The following LRRC37A2 variants were observed in gnomAD, a reference collection of about 807,000 sequenced individuals.
LRRC37A2 encodes the protein leucine-rich repeat-containing protein 37A2.
Under a neutral mutation model 68.8 loss-of-function variants are expected in LRRC37A2, and 9 were observed. That is an observed-to-expected ratio of 0.13 (90% CI 0.08 to 0.23). The LOEUF is 0.23. Ranked by LOEUF, LRRC37A2 falls within the 10% of genes least tolerant of loss-of-function variation. The pLI is 1.00. For synonymous variants in LRRC37A2, 63 were observed against 367.6 expected (o/e 0.17, Z 9.48); for missense variants, 168 against 950.4 (o/e 0.18, Z 10.82).
the LRRC37A2 span, chr17:46,768,842 G>A: frequency 4.9e-5 from 79 of 1,600,164 alleles, no homozygotes; most frequent in Non-Finnish European, 6.2e-5. This position sits in a 1 kb window ranked among gnomAD's most constrained non-coding sequence, Gnocchi z 5.0. Context: ...CCGACCCCAC[G>A]AGGGGGCACA....
At chr17:46,998,017 A>C in the LRRC37A2 span, among the ~76,000 whole-genome samples, 8 of 152,056 alleles carry the variant, frequency 5.3e-5, no homozygotes, top group African/African-American at 1.9e-4. Context: ...AAGATGGAAG[A>C]GGAATCCATG....
At chr17:46,825,093 G>A in the LRRC37A2 span, among the ~76,000 whole-genome samples, 4 of 152,242 alleles carry the variant, frequency 2.6e-5, no homozygotes, top group Non-Finnish European at 5.9e-5. Context: ...TCATAACCCT[G>A]AGCCCCATCC....
At chr17:46,923,451 C>G in the LRRC37A2 span, 1 of 1,400,894 alleles carries the variant, frequency 7.1e-7, no homozygotes, top group Non-Finnish European at 9.2e-7. Context: ...CTCCTGGGGT[C>G]TGCAAGTTCG....
the LRRC37A2 span, chr17:46,769,766 A>AG: frequency 6.2e-7 from 1 of 1,608,000 alleles, no homozygotes; most frequent in East Asian, 2.2e-5. Context: ...GGGTTTGGGG[A>AG]GGGTAGCCGG....
the LRRC37A2 span, among the ~76,000 whole-genome samples, chr17:46,996,754 TC>T: frequency 1.3e-5 from 2 of 152,206 alleles, no homozygotes; most frequent in Non-Finnish European, 2.9e-5. Flanking sequence ...CAAGCAAGCC[TC>T]CCGCTCAGGC....
intron 6 of LRRC37A2, 110 bp from the exon 6 acceptor site, chr17:46,540,066 A>ATT: frequency 8.3e-7 from 1 of 1,208,934 alleles, no homozygotes; most frequent in South Asian, 1.4e-5. Context: ...GACAGGAAAC[A>ATT]TTTTTTTCTT....
the LRRC37A2 span, among the ~76,000 whole-genome samples, chr17:46,498,896 C>CATATAT: frequency 1.0e-4 from 15 of 150,700 alleles, no homozygotes; most frequent in East Asian, 2.1e-3. Flanking sequence ...TATATATCTA[C>CATATAT]ATATATATAC....
chr17:46,895,555 T>G, the LRRC37A2 span, among the ~76,000 whole-genome samples: 1 of 152,214 alleles, frequency 6.6e-6, no homozygotes, highest in African/African-American at 2.4e-5. Flanking sequence ...TCCCCGCCAT[T>G]GTCACTATTT....
At chr17:46,765,582 CA>C in the LRRC37A2 span, among the ~76,000 whole-genome samples, 1 of 152,132 alleles carries the variant, frequency 6.6e-6, no homozygotes, top group Admixed American at 6.5e-5. Flanking sequence ...TCAGGGAAGA[CA>C]AGAGAACAGC....
At chr17:46,748,666 G>A in the LRRC37A2 span, among the ~76,000 whole-genome samples, 13 of 152,298 alleles carry the variant, frequency 8.5e-5, no homozygotes, top group East Asian at 1.4e-3. Context: ...GAGAGTCACC[G>A]CTTCAGATTG....
chr17:46,537,077 ATTTTTTTTTTTTTTTTTT>A lies in LRRC37A2; in HGVS notation c.2907-3087_2907-3070del, dbSNP rs766255014. Reference sequence around the variant, plus strand: ...GTTCTGAAAAAGTTTATTGTGGTCAATTTTTTTTTTTTTTTTTTTTTTTTTTTTTGCTATTTTTTTTGG... The same window carrying A: ...GTTCTGAAAAAGTTTATTGTGGTCAATTTTTTTTTTTGCTATTTTTTTTGG... On this transcript the variant is annotated intron_variant, in intron 6 of 14. Coordinates refer to ENST00000576629, the Ensembl canonical transcript of LRRC37A2. Among the ~76,000 whole-genome samples the A allele has an allele frequency of 8.3e-4, 29 of 34,830 alleles. 1 individual carries two copies. The highest frequency in any genetic ancestry group is 1.1e-3 in the Non-Finnish European group (26 of 22,610). The allele number at this position is 34,830 out of a possible 152,430, so 22.8% of individuals were successfully genotyped here.
At chr17:46,990,585 AT>A in the LRRC37A2 span, among the ~76,000 whole-genome samples, 4 of 152,158 alleles carry the variant, frequency 2.6e-5, no homozygotes, top group African/African-American at 9.7e-5. Context: ...GGCCAGCTGG[AT>A]GCAGGAAGGT....
the LRRC37A2 span, chr17:46,818,848 C>T: frequency 1.8e-6 from 1 of 548,076 alleles, no homozygotes; most frequent in Non-Finnish European, 3.2e-6. Context: ...GTCAATCACG[C>T]GCCCCTCCCG....
At chr17:46,971,082 G>A in the LRRC37A2 span, among the ~76,000 whole-genome samples, 1 of 152,086 alleles carries the variant, frequency 6.6e-6, no homozygotes, top group Non-Finnish European at 1.5e-5. Flanking sequence ...CCGGTGCGGT[G>A]GCTCATGCCT....
At chr17:46,734,505 T>G in the LRRC37A2 span, among the ~76,000 whole-genome samples, 1 of 152,188 alleles carries the variant, frequency 6.6e-6, no homozygotes, top group Non-Finnish European at 1.5e-5. Flanking sequence ...CTTAGTATAG[T>G]AGATTTTCTT....
chr17:46,687,257 A>G, the LRRC37A2 span, among the ~76,000 whole-genome samples: 3 of 92,392 alleles, frequency 3.2e-5, no homozygotes, highest in Non-Finnish European at 6.3e-5. Flanking sequence ...CTACAAGACT[A>G]TTCTTTACTA....
the LRRC37A2 span, among the ~76,000 whole-genome samples, chr17:46,888,410 T>A: frequency 6.6e-6 from 1 of 152,180 alleles, no homozygotes. Flanking sequence ...TCCTCAATTA[T>A]GGTTGCTGTC....
chr17:46,816,473 A>G, the LRRC37A2 span, among the ~76,000 whole-genome samples: 21 of 77,406 alleles, frequency 2.7e-4, no homozygotes, highest in East Asian at 5.6e-4. Context: ...CCCAGAACAC[A>G]CGCACACACA....
chr17:46,970,981 G>A, the LRRC37A2 span, among the ~76,000 whole-genome samples: 1 of 152,204 alleles, frequency 6.6e-6, no homozygotes, highest in South Asian at 2.1e-4. Flanking sequence ...TTCCTTCTAG[G>A]TTGCAGGAAT....
Sources: gnomAD v4.1 joint callset for allele counts (sites outside exome capture counted in the v4.1 genomes callset) on GRCh38, gnomAD v4.1.1 for gene constraint, Gnocchi (gnomAD v3.1) non-coding constraint, MANE v1.5 for transcripts, NCBI Gene and HGNC (gene_info 2026-07-23, HGNC 2026-07-21) for gene names.